The following SH3GL3 variants were observed in gnomAD, a reference collection of about 807,000 sequenced individuals.
SH3GL3 encodes SH3 domain containing GRB2 like 3, endophilin A3.
SH3GL3 carries 33 observed loss-of-function variants against 47.7 expected under a neutral mutation model. The ratio of observed to expected loss-of-function variants is 0.69; its 90% CI spans 0.52 to 0.92. SH3GL3 has a LOEUF of 0.92. Ranked by LOEUF, SH3GL3 falls within the 40% of genes least tolerant of loss-of-function variation. The pLI is 0.00. For missense variants in SH3GL3, 363 were observed against 417.8 expected (o/e 0.87, Z 1.14); for synonymous variants, 155 against 148.8 (o/e 1.04, Z -0.30).
chr15:83,459,009 C>T lies in SH3GL3; in HGVS notation c.45+11431C>T, dbSNP rs537333075. 1.6e-4 allele frequency among the ~76,000 whole-genome samples: 24 copies of T among 152,350 alleles called. No individual in the cohort carries two copies. In the East Asian group the frequency reaches 2.1e-3, roughly 13 times the overall value. On this transcript the variant is annotated intron_variant, in intron 1 of 8. Coordinates refer to ENST00000427482, the MANE Select transcript of SH3GL3 (RefSeq NM_003027.5). ...TCCCCAAACCTCAAAAGTAGGGAAG[C>T]TGACAGTGCAGCCTTCAGTCTGGGC...
chr15:83,528,232 CTCTG>C (rs1044749325), intron 1 of SH3GL3, among the ~76,000 whole-genome samples: 4 of 152,276 alleles, frequency 2.6e-5, no homozygotes, highest in African/African-American at 9.6e-5. Flanking sequence ...TTTTAGAAAT[CTCTG>C]TCTATCTTTG....
chr15:83,616,766 A>G (rs2060830117), intron 8 of SH3GL3, among the ~76,000 whole-genome samples: 1 of 152,174 alleles, frequency 6.6e-6, no homozygotes, highest in Admixed American at 6.5e-5. Context: ...AGAAATGAAG[A>G]AAAAGGAAGA....
At chr15:83,631,388 TG>T in the SH3GL3 span, among the ~76,000 whole-genome samples, 3 of 152,340 alleles carry the variant, frequency 2.0e-5, no homozygotes, top group African/African-American at 7.2e-5. Context: ...GGACTCTGTG[TG>T]GGGGCTCCAG....
At chr15:83,563,017 T>C (rs1447382938) in intron 2 of SH3GL3, among the ~76,000 whole-genome samples, 1 of 152,214 alleles carries the variant, frequency 6.6e-6, no homozygotes, top group Non-Finnish European at 1.5e-5. Context: ...TTTAAAACTT[T>C]CCTGGGGCTC....
At chr15:83,476,555 C>A (rs2041108046) in intron 1 of SH3GL3, among the ~76,000 whole-genome samples, 1 of 152,142 alleles carries the variant, frequency 6.6e-6, no homozygotes, top group Non-Finnish European at 1.5e-5. Flanking sequence ...AGCTTGTGAG[C>A]TAAGAATGGT....
chr15:83,591,842 T>C (rs1169901151), intron 8 of SH3GL3, among the ~76,000 whole-genome samples: 1 of 152,162 alleles, frequency 6.6e-6, no homozygotes, highest in Non-Finnish European at 1.5e-5. Flanking sequence ...CCCGATACCG[T>C]GCCTGGCTAA....
At chr15:83,527,719 T>C (rs753358884) in intron 1 of SH3GL3, among the ~76,000 whole-genome samples, 4 of 152,226 alleles carry the variant, frequency 2.6e-5, no homozygotes, top group Non-Finnish European at 5.9e-5. Context: ...AAGGTTATTA[T>C]TGATATGCGA....
At chr15:83,607,881 CA>C (rs2060567119) in intron 8 of SH3GL3, among the ~76,000 whole-genome samples, 6 of 108,622 alleles carry the variant, frequency 5.5e-5, no homozygotes, top group African/African-American at 9.2e-5. Flanking sequence ...AATAATAATA[CA>C]AACAACAACA....
chr15:83,565,820 T>C (rs1277714858), intron 3 of SH3GL3: 1 of 152,190 alleles, frequency 6.6e-6, no homozygotes, highest in Non-Finnish European at 1.5e-5. Context: ...CTTTCCTTTT[T>C]AGGAATTTAT....
At chr15:83,518,227 G>T (rs1381115860) in intron 1 of SH3GL3, among the ~76,000 whole-genome samples, 3 of 152,198 alleles carry the variant, frequency 2.0e-5, no homozygotes, top group African/African-American at 7.2e-5. Flanking sequence ...TTGGTAGAAT[G>T]ATTTATTTTC....
intron 1 of SH3GL3, among the ~76,000 whole-genome samples, chr15:83,482,470 G>T (rs1369142895): frequency 6.6e-6 from 1 of 151,556 alleles, no homozygotes; most frequent in East Asian, 1.9e-4. Flanking sequence ...CTTTCTACAA[G>T]CATATTAGTC....
intron 8 of SH3GL3, among the ~76,000 whole-genome samples, chr15:83,611,217 C>T (rs567919717): frequency 1.7e-3 from 255 of 151,692 alleles, no homozygotes; most frequent in African/African-American, 5.8e-3. Flanking sequence ...TACTTACTGA[C>T]CAGCCGTCTT....
chr15:83,576,166 A>G (rs536358743), intron 5 of SH3GL3, among the ~76,000 whole-genome samples: 4 of 152,278 alleles, frequency 2.6e-5, no homozygotes, highest in African/African-American at 7.2e-5. Context: ...TTTATAGTCT[A>G]CTACTTAGTC....
rs1183000378 is a variant in SH3GL3, at chr15:83,568,628, G to A, written c.287G>A (p.Cys96Tyr). 2.5e-6 allele frequency: 4 copies of A among 1,613,788 alleles called. No individual in the cohort carries two copies. Among genetic ancestry groups the A allele is most frequent in the East Asian group, 2.2e-5 (1 of 44,870 alleles). ...YPQTEGLLGD[C>Y]MLKYGKELGE... ...CAGACGGAAGGCTTGCTGGGGGACT[G>A]TATGCTGAAATACGGGAAGGAGCTC... The change falls in exon 4 of 9, where the codon TGT becomes TAT. Residue 96 changes from cysteine to tyrosine, a missense_variant. Transcript: ENST00000427482.
At chr15:83,621,851 C>G (rs2060916536), downstream of SH3GL3, among the ~76,000 whole-genome samples, 1 of 152,188 alleles carries the variant, frequency 6.6e-6, no homozygotes, top group African/African-American at 2.4e-5. Flanking sequence ...TGATCACTGA[C>G]TTTTGTAACA....
rs1440097205 is a variant in SH3GL3 at position 83,555,154 on chromosome 15, C to G, written c.46-4099C>G. 2.0e-5 allele frequency among the ~76,000 whole-genome samples: 3 copies of G among 151,992 alleles called. No homozygotes were observed. In the East Asian group the frequency reaches 5.8e-4, roughly 29 times the overall value. On this transcript the variant is annotated intron_variant, in intron 1 of 8. Transcript: ENST00000427482. ...GATTGCGCCCAGGCTGGAGTTTGTC[C>G]CATCTATTGGGTTTTTCATTTTTAT...
chr15:83,584,570 T>G (rs1166195047), intron 6 of SH3GL3, among the ~76,000 whole-genome samples: 7 of 152,192 alleles, frequency 4.6e-5, no homozygotes, highest in Admixed American at 4.6e-4. Context: ...TGTGCCTCCT[T>G]GACCTCTAAC....
intron 8 of SH3GL3, among the ~76,000 whole-genome samples, chr15:83,616,488 C>T (rs537761419): frequency 3.3e-4 from 50 of 152,128 alleles, no homozygotes; most frequent in South Asian, 8.3e-4. Flanking sequence ...GTGATCCGCC[C>T]GCCTCAGCCT....
chr15:83,520,780 G>A (rs920229787), intron 1 of SH3GL3, among the ~76,000 whole-genome samples: 9 of 152,028 alleles, frequency 5.9e-5, no homozygotes, highest in African/African-American at 2.2e-4. Flanking sequence ...TTGCTAAGAT[G>A]GTAGATTTTA....
Sources: gnomAD v4.1 joint callset for allele counts (sites outside exome capture counted in the v4.1 genomes callset) on GRCh38, gnomAD v4.1.1 for gene constraint, MANE v1.5 for transcripts, NCBI Gene and HGNC (gene_info 2026-07-23, HGNC 2026-07-21) for gene names.